Variants in BRI3 observed in about 807,000 individuals in gnomAD.
The protein encoded by BRI3 is brain protein I3.
A neutral mutation model predicts 12.8 loss-of-function variants in BRI3; 6 were observed. The observed-to-expected ratio is 0.47, with a 90% CI of 0.26 to 0.93. The LOEUF is 0.93. BRI3 is among the 40% of genes least tolerant of loss of function. BRI3 has a pLI of 0.15. For synonymous variants in BRI3, 91 were observed against 76.1 expected (o/e 1.20, Z -1.02); for missense variants, 134 against 171.1 (o/e 0.78, Z 1.21).
chr7:98,313,977 T>C (rs1374446245), downstream of BRI3, among the ~76,000 whole-genome samples: 3 of 141,734 alleles, frequency 2.1e-5, no homozygotes, highest in African/African-American at 5.1e-5. Flanking sequence ...TACTCCTTTT[T>C]CTTCCTTTTT....
chr7:98,297,944 A>T (rs1800258239), downstream of BRI3, among the ~76,000 whole-genome samples: 3 of 152,280 alleles, frequency 2.0e-5, no homozygotes, highest in South Asian at 6.2e-4. Flanking sequence ...AATTAAAAAA[A>T]TTCAGGCCGG....
the BRI3 span, among the ~76,000 whole-genome samples, chr7:98,316,987 C>CT: frequency 0.79 from 120,344 of 151,778 alleles, 47,865 homozygotes; most frequent in Non-Finnish European, 0.82. Context: ...CCTCAGCCTC[C>CT]GAGTAGCTGT....
At chr7:98,285,934 G>T (rs147354346) in intron 2 of BRI3, among the ~76,000 whole-genome samples, 4 of 152,322 alleles carry the variant, frequency 2.6e-5, no homozygotes, top group African/African-American at 7.2e-5. Flanking sequence ...TCCTGGCGAG[G>T]CCTGGCCTTC....
At chr7:98,307,413 A>C in intron 1 of BRI3, 1 of 1,278,598 alleles carries the variant, frequency 7.8e-7, no homozygotes, top group South Asian at 1.6e-5. Context: ...CCAAATGCTA[A>C]ATTTTTTTTA....
At chr7:98,319,808 C>CTTT in the BRI3 span, among the ~76,000 whole-genome samples, 3 of 152,184 alleles carry the variant, frequency 2.0e-5, no homozygotes, top group Non-Finnish European at 2.9e-5. Flanking sequence ...GCCTTGGCCT[C>CTTT]CCAAAGTGCT....
downstream of BRI3, chr7:98,294,198 G>T (rs1800089448): frequency 1.4e-6 from 2 of 1,438,072 alleles, no homozygotes; most frequent in Non-Finnish European, 1.9e-6. Context: ...TTGCTATGTT[G>T]CCCAGGCTGG....
At chr7:98,322,565 T>C in the BRI3 span, among the ~76,000 whole-genome samples, 1 of 152,178 alleles carries the variant, frequency 6.6e-6, no homozygotes, top group African/African-American at 2.4e-5. Context: ...GTCTCTTCCC[T>C]GCCCAGGAGA....
At chr7:98,296,774 G>T (rs1028154818), downstream of BRI3, among the ~76,000 whole-genome samples, 11 of 152,246 alleles carry the variant, frequency 7.2e-5, no homozygotes, top group Admixed American at 1.3e-4. Context: ...GCTGGCAGGA[G>T]CCTCTCTGCC....
At chr7:98,292,878 A>G, downstream of BRI3, 1 of 1,441,356 alleles carries the variant, frequency 6.9e-7, no homozygotes, top group Non-Finnish European at 9.1e-7. Context: ...CTCTCGGAGG[A>G]GATTTCGTCG....
intron 1 of BRI3, among the ~76,000 whole-genome samples, chr7:98,299,405 G>A (rs1463735084): frequency 2.0e-5 from 3 of 152,060 alleles, no homozygotes; most frequent in Non-Finnish European, 4.4e-5. Context: ...TGATCCTCCC[G>A]CCTCGGCCTC....
chr7:98,308,215 CT>C, exon 2 of BRI3: 1 of 530,668 alleles, frequency 1.9e-6, no homozygotes, highest in South Asian at 1.5e-5. Flanking sequence ...GATGGCTCTT[CT>C]TAGAGAGACA....
At chr7:98,292,716 C>T (rs567181686), downstream of BRI3, 159 of 1,551,580 alleles carry the variant, frequency 1.0e-4, no homozygotes, top group Middle Eastern at 2.7e-3. Context: ...ACCAGGACCC[C>T]GAGCAGTTTG....
chr7:98,311,940 C>T (rs1800888124), downstream of BRI3, among the ~76,000 whole-genome samples: 1 of 152,098 alleles, frequency 6.6e-6, no homozygotes, highest in African/African-American at 2.4e-5. Context: ...ATGTGCCCAG[C>T]TACCTTCGCC....
chr7:98,313,759 C>A (rs1316626846), downstream of BRI3, among the ~76,000 whole-genome samples: 1 of 151,490 alleles, frequency 6.6e-6, no homozygotes, highest in East Asian at 1.9e-4. Context: ...GCTGGGGCCA[C>A]AGATGCACAT....
At chr7:98,294,875 C>G (rs1800119129), downstream of BRI3, among the ~76,000 whole-genome samples, 1 of 152,218 alleles carries the variant, frequency 6.6e-6, no homozygotes, top group Non-Finnish European at 1.5e-5. Flanking sequence ...CTCCTTCCAG[C>G]ACCTGCCACC....
chr7:98,307,437 GT>G, intron 1 of BRI3: 1 of 1,349,718 alleles, frequency 7.4e-7, no homozygotes. Flanking sequence ...ACAAAAGAAT[GT>G]TTAAACTACT....
the BRI3 span, among the ~76,000 whole-genome samples, chr7:98,319,703 T>C: frequency 6.6e-6 from 1 of 152,038 alleles, no homozygotes; most frequent in Non-Finnish European, 1.5e-5. Flanking sequence ...TGCACCACCA[T>C]GCTCAGCTAA....
upstream of BRI3, among the ~76,000 whole-genome samples, chr7:98,305,912 TGGGA>T (rs1800638870): frequency 6.6e-6 from 1 of 152,094 alleles, no homozygotes; most frequent in Admixed American, 6.6e-5. Context: ...TTTCAAGCCA[TGGGA>T]GTGGATGAGA....
chr7:98,302,420 C>T (rs74374227), upstream of BRI3, among the ~76,000 whole-genome samples: 159 of 152,270 alleles, frequency 1.0e-3, no homozygotes, highest in African/African-American at 3.4e-3. Context: ...GCAGGCTAGG[C>T]GAACATCAAC....
Sources: gnomAD v4.1 joint callset for allele counts (sites outside exome capture counted in the v4.1 genomes callset) on GRCh38, gnomAD v4.1.1 for gene constraint, MANE v1.5 for transcripts, NCBI Gene and HGNC (gene_info 2026-07-23, HGNC 2026-07-21) for gene names.